The following OR51B5 variants were observed in gnomAD, a reference collection of about 807,000 sequenced individuals.
OR51B5 encodes the protein olfactory receptor family 51 subfamily B member 5, also known as olfactory receptor 51B5.
For synonymous variants in OR51B5, 186 were observed against 144.8 expected, an observed-to-expected ratio of 1.28 and a Z score of -2.04; for missense variants, 456 against 374.6, an observed-to-expected ratio of 1.22 and a Z score of -1.79.
At chr11:5,453,658 A>G in intron 1 of OR51B5, 1 of 1,613,436 alleles carries the variant, frequency 6.2e-7, no homozygotes, top group Non-Finnish European at 8.5e-7. Flanking sequence ...AGCCTCCATG[A>G]GCCCATGTAC....
chr11:5,343,653 A>T (rs185875044), upstream of OR51B5: 6 of 549,944 alleles, frequency 1.1e-5, no homozygotes, highest in Non-Finnish European at 1.6e-5. Flanking sequence ...TGACATCAAT[A>T]TAAGTGATTG....
intron 1 of OR51B5, chr11:5,422,605 C>T: frequency 1.2e-6 from 2 of 1,614,148 alleles, no homozygotes; most frequent in African/African-American, 1.3e-5. Flanking sequence ...TCCATTATGC[C>T]TCCATCCTCA....
chr11:5,375,479 A>G (rs891792218), intron 1 of OR51B5, among the ~76,000 whole-genome samples: 1 of 152,078 alleles, frequency 6.6e-6, no homozygotes, highest in Non-Finnish European at 1.5e-5. Context: ...CACACATACA[A>G]TATTAACTTT....
intron 1 of OR51B5, chr11:5,505,387 CTCT>C (rs1846357649): frequency 1.5e-6 from 2 of 1,304,080 alleles, no homozygotes; most frequent in African/African-American, 1.5e-5. Context: ...CAAGACTTTC[CTCT>C]TCATTTCCCC....
intron 1 of OR51B5, among the ~76,000 whole-genome samples, chr11:5,472,060 T>C (rs1404896796): frequency 2.0e-5 from 3 of 152,152 alleles, no homozygotes; most frequent in Non-Finnish European, 1.5e-5. Flanking sequence ...TCTATGAGAA[T>C]ATTGGCATAT....
intron 1 of OR51B5, among the ~76,000 whole-genome samples, chr11:5,477,498 TG>T (rs1192865753): frequency 6.6e-6 from 1 of 152,028 alleles, no homozygotes; most frequent in Non-Finnish European, 1.5e-5. Context: ...TTATATGTAT[TG>T]GGGGAGGAGC....
chr11:5,401,289 T>C (rs760316334), intron 1 of OR51B5, among the ~76,000 whole-genome samples: 1 of 152,256 alleles, frequency 6.6e-6, no homozygotes, highest in Non-Finnish European at 1.5e-5. Context: ...TTGAGAACTG[T>C]TGAGTCAACA....
At chr11:5,483,757 C>T (rs1288021979) in intron 1 of OR51B5, among the ~76,000 whole-genome samples, 1 of 152,054 alleles carries the variant, frequency 6.6e-6, no homozygotes, top group African/African-American at 2.4e-5. Context: ...TTAGGGGATG[C>T]CACCTGGGTT....
intron 1 of OR51B5, among the ~76,000 whole-genome samples, chr11:5,504,452 CT>C (rs1846344895): frequency 6.6e-6 from 1 of 152,164 alleles, no homozygotes; most frequent in South Asian, 2.1e-4. Flanking sequence ...TCTTCGCCAC[CT>C]GTGTAACCCC....
chr11:5,408,861 T>C (rs770675287), intron 1 of OR51B5, among the ~76,000 whole-genome samples: 33 of 152,132 alleles, frequency 2.2e-4, no homozygotes, highest in African/African-American at 7.7e-4. Flanking sequence ...ATTTAATTCA[T>C]AGAAAAGCAT....
chr11:5,440,457 C>T, intron 1 of OR51B5: 1 of 653,716 alleles, frequency 1.5e-6, no homozygotes, highest in Non-Finnish European at 2.7e-6. Context: ...ATTAGTGATA[C>T]ATTCACTACT....
At chr11:5,441,232 C>T in intron 1 of OR51B5, 1 of 1,613,944 alleles carries the variant, frequency 6.2e-7, no homozygotes, top group Middle Eastern at 1.7e-4. Context: ...GCATTAAACG[C>T]AACATGGTTG....
chr11:5,464,986 C>T (rs1052065534), intron 1 of OR51B5, among the ~76,000 whole-genome samples: 1 of 152,010 alleles, frequency 6.6e-6, no homozygotes, highest in Non-Finnish European at 1.5e-5. Flanking sequence ...GCGGGCGGAT[C>T]GCGAGGTCAG....
chr11:5,378,483 C>G (rs555988540), intron 1 of OR51B5, among the ~76,000 whole-genome samples: 1 of 152,156 alleles, frequency 6.6e-6, no homozygotes, highest in African/African-American at 2.4e-5. Context: ...AACTAAAGAG[C>G]TTCTGCACAG....
intron 1 of OR51B5, chr11:5,454,173 G>C (rs770771990): frequency 6.2e-7 from 1 of 1,613,156 alleles, no homozygotes; most frequent in Admixed American, 1.7e-5. Context: ...CATGGCCACT[G>C]CTTCCCGTGA....
At chr11:5,417,446 G>A (rs1375136557) in intron 1 of OR51B5, among the ~76,000 whole-genome samples, 4 of 151,664 alleles carry the variant, frequency 2.6e-5, no homozygotes, top group Non-Finnish European at 5.9e-5. Context: ...TTAAACTAAA[G>A]ATCTTCTGCG....
At position 5,401,420 on chromosome 11, in the gene OR51B5, G is replaced by A. The variant is rs149761782; in HGVS notation, n.85-54510C>T. ...CATGCCTTTGCACATAATCTTTCTA[G>A]TTGACTCCTAGAATTTTCAAAACAT... On this transcript the variant is annotated intron_variant and non_coding_transcript_variant, in intron 1 of 4. Transcript: ENST00000415970. Among the ~76,000 whole-genome samples the A allele has an allele frequency of 1.4e-3, 219 of 152,294 alleles. 1 individual carries two copies. The highest frequency in any genetic ancestry group is 2.6e-3 in the Non-Finnish European group (177 of 68,038).
At chr11:5,344,899 T>C (rs1848966611), upstream of OR51B5, among the ~76,000 whole-genome samples, 1 of 152,166 alleles carries the variant, frequency 6.6e-6, no homozygotes, top group African/African-American at 2.4e-5. Flanking sequence ...TACAAGATAG[T>C]ATAGCAGTTT....
intron 1 of OR51B5, among the ~76,000 whole-genome samples, chr11:5,437,677 AGAAG>A (rs1461891585): frequency 6.6e-6 from 1 of 152,238 alleles, no homozygotes; most frequent in African/African-American, 2.4e-5. Context: ...TCAAATGAGA[AGAAG>A]GAAGTCATAG....
Sources: gnomAD v4.1 joint callset for allele counts (sites outside exome capture counted in the v4.1 genomes callset) on GRCh38, gnomAD v4.1.1 for gene constraint, MANE v1.5 for transcripts, NCBI Gene and HGNC (gene_info 2026-07-23, HGNC 2026-07-21) for gene names.